Variants in ATP10B observed in about 807,000 individuals in gnomAD.
ATP10B encodes the protein phospholipid-transporting ATPase VB.
In ATP10B, 122 loss-of-function variants were observed where a neutral mutation model predicts 141.2. That is an observed-to-expected ratio of 0.86 (90% CI 0.75 to 1.00). ATP10B has a LOEUF of 1.00. Ranked by LOEUF, ATP10B falls within the 50% of genes least tolerant of loss-of-function variation. ATP10B has a pLI of 0.00. For missense variants in ATP10B, 1,876 were observed against 1,825.3 expected (o/e 1.03, Z -0.51); for synonymous variants, 685 against 692.0 (o/e 0.99, Z 0.16).
chr5:160,787,793 G>C (rs1771278760), intron 1 of ATP10B, among the ~76,000 whole-genome samples: 1 of 152,008 alleles, frequency 6.6e-6, no homozygotes, highest in Non-Finnish European at 1.5e-5. Context: ...TGGTTTCCCT[G>C]TCTATCAAAT....
At chr5:160,701,257 A>G (rs1764653000) in intron 3 of ATP10B, among the ~76,000 whole-genome samples, 2 of 152,176 alleles carry the variant, frequency 1.3e-5, no homozygotes, top group East Asian at 3.9e-4. Flanking sequence ...AAACTTAAAC[A>G]TAATTTACAA....
chr5:160,903,176 G>A, the ATP10B span, among the ~76,000 whole-genome samples: 3 of 152,318 alleles, frequency 2.0e-5, no homozygotes, highest in African/African-American at 7.2e-5. Flanking sequence ...CTGATGCCCA[G>A]AAACGTGCTT....
upstream of ATP10B, among the ~76,000 whole-genome samples, chr5:160,853,208 G>A (rs894847245): frequency 1.3e-5 from 2 of 152,184 alleles, no homozygotes; most frequent in African/African-American, 4.8e-5. Flanking sequence ...TTTTAAAAGA[G>A]CGAGTTGGCA....
chr5:160,661,808 C>T (rs1276150712), intron 7 of ATP10B, among the ~76,000 whole-genome samples: 1 of 152,074 alleles, frequency 6.6e-6, no homozygotes, highest in Non-Finnish European at 1.5e-5. Context: ...GGCAATCAGG[C>T]AGGAGAAGGA....
upstream of ATP10B, among the ~76,000 whole-genome samples, chr5:160,854,177 G>C (rs772209862): frequency 2.6e-5 from 4 of 151,998 alleles, no homozygotes; most frequent in Non-Finnish European, 5.9e-5. Flanking sequence ...GTTATTAGTG[G>C]TAATTTTTAT....
rs1053617627 is a variant in ATP10B, at chr5:160,763,033, G to A, written c.-331+22526C>T. On this transcript the variant is annotated intron_variant, in intron 2 of 25. Transcript: ENST00000327245. Reference sequence around the variant, plus strand: ...AAATATCACAATCCTAAATATATATGCACCTAATACTGGAGCACCCAAATT... The same window carrying A: ...AAATATCACAATCCTAAATATATATACACCTAATACTGGAGCACCCAAATT... Among the ~76,000 whole-genome samples the A allele has an allele frequency of 1.1e-4, 17 of 151,434 alleles. 1 individual carries two copies. The highest frequency in any genetic ancestry group is 4.4e-5 in the Non-Finnish European group (3 of 67,744).
chr5:160,878,467 G>C, the ATP10B span, among the ~76,000 whole-genome samples: 1 of 152,130 alleles, frequency 6.6e-6, no homozygotes, highest in African/African-American at 2.4e-5. Context: ...CAGGACATAG[G>C]CATGGGCAAG....
chr5:160,617,528 G>T lies in ATP10B; in HGVS notation c.2526+336C>A, dbSNP rs140801616. On this transcript the variant is annotated intron_variant, in intron 16 of 25. Transcript: ENST00000327245. ...TAGATTTTTATGTGACCATATAAAA[G>T]GTCCCCAAATTTAAAGGAAAATAAT... Among the ~76,000 whole-genome samples, 301 of 152,176 alleles carry T rather than the reference G, an allele frequency of 2.0e-3. 3 individuals carry two copies. The highest frequency in any genetic ancestry group is 3.2e-3 in the Non-Finnish European group (220 of 68,002).
intron 2 of ATP10B, among the ~76,000 whole-genome samples, chr5:160,731,030 C>G (rs992743814): frequency 6.6e-6 from 1 of 152,142 alleles, no homozygotes; most frequent in African/African-American, 2.4e-5. Context: ...CTTCCTACCC[C>G]CTTTTCTCTA....
the ATP10B span, among the ~76,000 whole-genome samples, chr5:160,919,223 C>CAAAAAAAAAAAAAA: frequency 0.017 from 454 of 26,838 alleles, 33 homozygotes; most frequent in Non-Finnish European, 0.021. Context: ...AACTCCGTCT[C>CAAAAAAAAAAAAAA]AAAAAAAAAA....
At position 160,604,041 on chromosome 5, in the gene ATP10B, C is replaced by T. The variant is rs1379345681; in HGVS notation, c.3161G>A (p.Gly1054Asp). ...DKLRVMTLSI[G>D]DGANDVSMIQ... ...CATGCTTACATCATTTGCTCCATCA[C>T]CTGAAAGAGAGGTCATAACGTGTCT... The change falls in exon 20 of 26, where the codon GGT becomes GAT. Residue 1054 changes from glycine to aspartate, a missense_variant and splice_region_variant. By Grantham distance (94) the Gly-to-Asp change is moderately conservative. Coordinates refer to ENST00000327245, the MANE Select transcript of ATP10B (RefSeq NM_025153.3). The T allele has an allele frequency of 6.2e-7, 1 of 1,613,612 alleles. No individual in the cohort carries two copies. The highest frequency in any genetic ancestry group is 8.5e-7 in the Non-Finnish European group (1 of 1,179,698).
intron 16 of ATP10B, 74 bp from the exon 17 acceptor site, chr5:160,616,038 C>T: frequency 6.6e-7 from 1 of 1,526,282 alleles, no homozygotes; most frequent in Non-Finnish European, 8.9e-7. Flanking sequence ...TTCCCACCTG[C>T]TGGGTCTCCT....
At chr5:160,741,852 A>G (rs1767505019) in intron 2 of ATP10B, among the ~76,000 whole-genome samples, 2 of 152,208 alleles carry the variant, frequency 1.3e-5, no homozygotes, top group Non-Finnish European at 2.9e-5. Flanking sequence ...TTCTGCATAT[A>G]TCATCATTAT....
the ATP10B span, among the ~76,000 whole-genome samples, chr5:160,911,431 A>C: frequency 2.1e-3 from 313 of 152,344 alleles, 4 homozygotes; most frequent in African/African-American, 7.2e-3. Context: ...AGAATTACAA[A>C]GGAAGACAGA....
At chr5:160,707,877 C>G (rs564614102) in intron 3 of ATP10B, among the ~76,000 whole-genome samples, 1 of 152,152 alleles carries the variant, frequency 6.6e-6, no homozygotes, top group Non-Finnish European at 1.5e-5. Flanking sequence ...AGCAGCACAT[C>G]GATAAATCAA....
chr5:160,579,732 T>C (rs892249242), intron 24 of ATP10B, among the ~76,000 whole-genome samples: 2 of 152,240 alleles, frequency 1.3e-5, no homozygotes, highest in African/African-American at 2.4e-5. Flanking sequence ...GGGGATAGCA[T>C]TGAATCTATA....
chr5:160,649,084 T>A, intron 8 of ATP10B, 87 bp downstream of exon 8: 2 of 900,928 alleles, frequency 2.2e-6, no homozygotes, highest in Non-Finnish European at 1.8e-6. Flanking sequence ...AGGATGAAGA[T>A]GCTTATTTGT....
At chr5:160,782,408 A>G (rs1434806810) in intron 2 of ATP10B, among the ~76,000 whole-genome samples, 1 of 150,562 alleles carries the variant, frequency 6.6e-6, no homozygotes, top group Admixed American at 6.7e-5. Flanking sequence ...GTTTACATTT[A>G]TTGCACTTTG....
At chr5:160,732,028 C>A (rs1766780715) in intron 2 of ATP10B, among the ~76,000 whole-genome samples, 1 of 152,024 alleles carries the variant, frequency 6.6e-6, no homozygotes, top group South Asian at 2.1e-4. Context: ...AGGAAAAGAC[C>A]ATTAACTCAG....
Sources: gnomAD v4.1 joint callset for allele counts (sites outside exome capture counted in the v4.1 genomes callset) on GRCh38, gnomAD v4.1.1 for gene constraint, MANE v1.5 for transcripts, NCBI Gene and HGNC (gene_info 2026-07-23, HGNC 2026-07-21) for gene names.